NUP153: variants seen among roughly 807,000 people sequenced by gnomAD.
NUP153 encodes nucleoporin 153.
In NUP153, 27 loss-of-function variants were observed where a neutral mutation model predicts 134.6. The observed-to-expected ratio is 0.20, with a 90% CI of 0.15 to 0.28. NUP153 has a LOEUF of 0.28. Ranked by LOEUF, NUP153 falls within the 10% of genes least tolerant of loss-of-function variation. The probability of loss-of-function intolerance (pLI) is 1.00; values close to 1 mark genes in which losing one functional copy is unlikely to be tolerated. For synonymous variants in NUP153, 640 were observed against 623.5 expected, an observed-to-expected ratio of 1.03 and a Z score of -0.40; for missense variants, 1,821 against 1,731.3, an observed-to-expected ratio of 1.05 and a Z score of -0.92.
intron 14 of NUP153, among the ~76,000 whole-genome samples, chr6:17,643,353 T>C (rs2113791980): frequency 6.6e-6 from 1 of 152,200 alleles, no homozygotes; most frequent in African/African-American, 2.4e-5. Flanking sequence ...GTGCCTGTAA[T>C]CACAGCTACT....
At chr6:17,700,576 G>A (rs976698273) in intron 1 of NUP153, among the ~76,000 whole-genome samples, 10 of 152,036 alleles carry the variant, frequency 6.6e-5, no homozygotes, top group African/African-American at 2.2e-4. Context: ...TTAAATATTC[G>A]ACCTCTAAAT....
intron 18 of NUP153, 131 bp from the exon 19 acceptor site, chr6:17,626,295 T>C (rs934258472): frequency 1.6e-6 from 1 of 642,270 alleles, no homozygotes; most frequent in African/African-American, 1.8e-5. Context: ...TTATATAGAT[T>C]ACTTCATCAA....
intron 9 of NUP153, among the ~76,000 whole-genome samples, chr6:17,664,711 A>T (rs1387089596): frequency 6.6e-6 from 1 of 152,150 alleles, no homozygotes; most frequent in East Asian, 1.9e-4. Flanking sequence ...TGTAACCTAA[A>T]CAATGGGTAC....
chr6:17,660,902 C>G (rs1767137719), intron 11 of NUP153, among the ~76,000 whole-genome samples: 1 of 152,142 alleles, frequency 6.6e-6, no homozygotes, highest in South Asian at 2.1e-4. Flanking sequence ...CAAAATGTAT[C>G]CTGATGGCAG....
intron 20 of NUP153, among the ~76,000 whole-genome samples, chr6:17,620,172 C>A (rs1166596643): frequency 6.7e-6 from 1 of 148,330 alleles, no homozygotes; most frequent in Non-Finnish European, 1.5e-5. Flanking sequence ...CACAGGAGTC[C>A]AAATAGCTAA....
At chr6:17,657,580 C>G (rs1235691118) in intron 11 of NUP153, among the ~76,000 whole-genome samples, 2 of 151,744 alleles carry the variant, frequency 1.3e-5, no homozygotes, top group African/African-American at 4.8e-5. Context: ...CAAAACAAAA[C>G]CTGGTGCCAT....
chr6:17,639,071 T>C (rs1014795739), intron 15 of NUP153, among the ~76,000 whole-genome samples: 1 of 152,126 alleles, frequency 6.6e-6, no homozygotes, highest in African/African-American at 2.4e-5. Context: ...TTATTCTTTT[T>C]TTCTTTTCCT....
intron 20 of NUP153, among the ~76,000 whole-genome samples, chr6:17,622,732 A>G (rs898114283): frequency 6.6e-6 from 1 of 152,228 alleles, no homozygotes; most frequent in Non-Finnish European, 1.5e-5. Context: ...ATGTCAGAGA[A>G]ACAAATTTTG....
At position 17,642,403 on chromosome 6, in the gene NUP153, C is replaced by T. The variant is rs572848683; in HGVS notation, c.1721-2339G>A. On this transcript the variant is annotated intron_variant, in intron 14 of 21. Coordinates refer to ENST00000262077, the MANE Select transcript of NUP153 (RefSeq NM_005124.4). ...GACAAACTGTTCAATGGGTAAAGGA[C>T]GTGAAAGGCATTCCTCCCTAAGATA... 5.9e-5 allele frequency among the ~76,000 whole-genome samples: 9 copies of T among 152,082 alleles called. No individual in the cohort carries two copies. In the South Asian group the frequency reaches 1.2e-3, roughly 21 times the overall value.
chr6:17,651,135 T>C (rs1766473946), intron 11 of NUP153, among the ~76,000 whole-genome samples: 1 of 151,878 alleles, frequency 6.6e-6, no homozygotes, highest in Non-Finnish European at 1.5e-5. Context: ...CCCGTCTCTA[T>C]AAAAACTAAA....
intron 9 of NUP153, among the ~76,000 whole-genome samples, chr6:17,663,248 CACACACACACACAT>C (rs1455498083): frequency 7.4e-6 from 1 of 135,386 alleles, no homozygotes. Context: ...CACACACACA[CACACACACACACAT>C]ATATATATAT....
chr6:17,685,395 A>C (rs1768860382), intron 2 of NUP153, among the ~76,000 whole-genome samples: 1 of 152,076 alleles, frequency 6.6e-6, no homozygotes. Flanking sequence ...AAAATACAAA[A>C]AAAAATAGCT....
At chr6:17,677,621 C>T (rs762613733) in intron 2 of NUP153, among the ~76,000 whole-genome samples, 27 of 152,120 alleles carry the variant, frequency 1.8e-4, no homozygotes, top group Admixed American at 9.2e-4. Flanking sequence ...CACTGCTTTC[C>T]TACCCACCTT....
rs1767456082 is a variant in NUP153 at position 17,665,244 on chromosome 6, A to C, written c.1210T>G (p.Cys404Gly). 6.2e-7 allele frequency: 1 copy of C among 1,601,926 alleles called. No individual in the cohort carries two copies. Among genetic ancestry groups the C allele is most frequent in the African/African-American group, 1.3e-5 (1 of 74,680 alleles). Reference protein sequence around the residue: ...RKTNQRIDNKCSTGYEKNMTP... With the variant: ...RKTNQRIDNKGSTGYEKNMTP... The stretch of plus-strand genomic sequence containing the variant: ...AGAAATATACATATACTCACACTGC[A>C]CTTGTTATCTATTCTTTGATTAGTC... The change falls in exon 9 of 22, where the codon TGC (cysteine) becomes GGC (glycine). Residue 404 changes from cysteine (C) to glycine (G), a missense_variant. Physicochemically the swap from Cys to Gly is radical, Grantham distance 159. Transcript: ENST00000262077.
intron 20 of NUP153, 110 bp downstream of exon 20, chr6:17,624,445 CCAAGTA>C (rs1764813674): frequency 1.0e-6 from 1 of 981,510 alleles, no homozygotes; most frequent in Non-Finnish European, 1.5e-6. Flanking sequence ...CTCTATTCTG[CCAAGTA>C]CAAGAGATAA....
chr6:17,700,455 T>C (rs891365381), intron 1 of NUP153, among the ~76,000 whole-genome samples: 1 of 152,184 alleles, frequency 6.6e-6, no homozygotes, highest in Non-Finnish European at 1.5e-5. Flanking sequence ...CTATCAACTA[T>C]CCAATCCTAT....
chr6:17,661,430 C>A (rs1449642689), intron 11 of NUP153, among the ~76,000 whole-genome samples: 1 of 152,096 alleles, frequency 6.6e-6, no homozygotes, highest in Non-Finnish European at 1.5e-5. Flanking sequence ...ATTGCAATTC[C>A]CTTATTTGAA....
In NUP153 at chr6:17,616,724, T is replaced by C. The variant is rs755057015; in HGVS notation, c.4175-29A>G. On this transcript the variant is annotated intron_variant, in intron 20 of 21. Coordinates refer to ENST00000262077, the MANE Select transcript of NUP153 (RefSeq NM_005124.4). ...CAATAGTTAAAGCAGAAATACTTCA[T>C]TAGGGCAAAATGATAGGTTTTTTTG... 4.4e-6 allele frequency: 7 copies of C among 1,591,060 alleles called. No individual in the cohort carries two copies. In the Middle Eastern group the frequency reaches 8.4e-4, roughly 190 times the overall value.
intron 19 of NUP153, 59 bp from the exon 20 acceptor site, chr6:17,624,892 G>C: frequency 1.4e-6 from 2 of 1,452,026 alleles, no homozygotes; most frequent in Admixed American, 5.3e-5. Context: ...TTATCCTCAA[G>C]AAATTTCTGT....
Sources: allele counts gnomAD v4.1 joint callset (sites outside exome capture counted in the v4.1 genomes callset), GRCh38; gene constraint gnomAD v4.1.1; transcripts MANE v1.5; gene names NCBI Gene and HGNC (gene_info 2026-07-23, HGNC 2026-07-21).